ANK2: variants seen among roughly 807,000 people sequenced by gnomAD.
ANK2 encodes ankyrin-2.
A neutral mutation model predicts 360.5 loss-of-function variants in ANK2; 83 were observed. The ratio of observed to expected loss-of-function variants is 0.23; its 90% CI spans 0.19 to 0.28. ANK2 has a LOEUF of 0.28. Ranked by LOEUF, ANK2 falls within the 10% of genes least tolerant of loss-of-function variation. ANK2 has a pLI of 1.00. For synonymous variants in ANK2, 1,740 were observed against 1,759.5 expected, an observed-to-expected ratio of 0.99 and a Z score of 0.28; for missense variants, 4,201 against 4,795.7, an observed-to-expected ratio of 0.88 and a Z score of 3.66.
In ANK2 at chr4:113,133,154, A is replaced by G. The variant is rs183912420; in HGVS notation, c.85-41262A>G. Among the ~76,000 whole-genome samples the G allele has an allele frequency of 1.8e-3, 273 of 152,320 alleles. 3 individuals are homozygous for G. The highest frequency in any genetic ancestry group is 6.4e-3 in the African/African-American group (268 of 41,574). ...TAAGGACTTGTTCCTAAATGGTAAG[A>G]TAGGAGAGCAGGAACACTTAGTTTT... On this transcript the variant is annotated intron_variant, in intron 1 of 45. Transcript: ENST00000357077.
At chr4:113,311,201 T>C in intron 23 of ANK2, 54 bp from the exon 24 acceptor site, 16 of 1,607,914 alleles carry the variant, frequency 1.0e-5, no homozygotes, top group Non-Finnish European at 1.4e-5. Flanking sequence ...CCATATGTTG[T>C]AGTTGATATT....
chr4:113,359,161 G>C lies in ANK2; in HGVS notation c.10543G>C (p.Val3515Leu). 1 of 1,613,494 alleles carries C rather than the reference G, an allele frequency of 6.2e-7. No homozygotes were observed. Among genetic ancestry groups the C allele is most frequent in the Non-Finnish European group, 8.5e-7 (1 of 1,179,488 alleles). The change falls in exon 38 of 46, where the codon GTA becomes CTA. Residue 3515 changes from valine (V) to leucine (L), a missense_variant. Physicochemically the swap from Val to Leu is conservative, Grantham distance 32. Coordinates refer to ENST00000357077, the MANE Select transcript of ANK2 (RefSeq NM_001148.6). ...DESSSALEVSVIENLPPVETE... is the reference protein window; with the variant it reads ...DESSSALEVSLIENLPPVETE... ...AAGTAGTAGTGCCCTGGAAGTATCA[G>C]TAATTGAAAATCTGCCACCTGTTGA... is the stretch of plus-strand genomic sequence containing the variant.
At chr4:113,080,730 C>T (rs1462315156) in intron 1 of ANK2, among the ~76,000 whole-genome samples, 2 of 152,164 alleles carry the variant, frequency 1.3e-5, no homozygotes, top group Non-Finnish European at 1.5e-5. Flanking sequence ...CCTGTTGTTT[C>T]GTGGATGAGC....
rs1477856046 is a variant in ANK2, at chr4:113,358,984, G to A, written c.10366G>A (p.Gly3456Ser). 6.2e-7 allele frequency: 1 copy of A among 1,614,040 alleles called. No individual in the cohort carries two copies. Among genetic ancestry groups the A allele is most frequent in the South Asian group, 1.1e-5 (1 of 91,086 alleles). ...AAGCACTACATCTTCCTGCAGGGGG[G>A]GCACGAGCCCCACAAAAGAAAGTAA... ...SRSTTSSCRG[G>S]TSPTKESKEH... The change falls in exon 38 of 46, where the codon GGC becomes AGC. Residue 3456 changes from glycine to serine, a missense_variant. Gly to Ser is a moderately conservative substitution (Grantham distance 56). Coordinates refer to ENST00000357077, the MANE Select transcript of ANK2 (RefSeq NM_001148.6).
intron 45 of ANK2, among the ~76,000 whole-genome samples, chr4:113,380,972 A>G (rs17045994): frequency 0.026 from 4,010 of 152,302 alleles, 194 homozygotes; most frequent in African/African-American, 0.09. Context: ...CTCTGAAAAC[A>G]TAATTTTGGG....
At chr4:113,277,791 G>T (rs769532343) in intron 15 of ANK2, 46 bp from the exon 16 acceptor site, 1 of 1,488,206 alleles carries the variant, frequency 6.7e-7, no homozygotes, top group African/African-American at 1.4e-5. Flanking sequence ...TTTTTGAGGA[G>T]TTACAACAAT....
At chr4:113,267,251 T>G (rs1178223249) in intron 14 of ANK2, among the ~76,000 whole-genome samples, 1 of 152,200 alleles carries the variant, frequency 6.6e-6, no homozygotes. Context: ...GCTCTTTAGT[T>G]TAATTAGATC....
intron 2 of ANK2, among the ~76,000 whole-genome samples, chr4:113,009,951 C>A (rs1033451483): frequency 1.3e-5 from 2 of 152,218 alleles, no homozygotes; most frequent in South Asian, 2.1e-4. Context: ...CACACACTCA[C>A]ACACACGTGC....
At chr4:113,280,670 G>C (rs1026846480) in intron 17 of ANK2, among the ~76,000 whole-genome samples, 18 of 152,128 alleles carry the variant, frequency 1.2e-4, no homozygotes, top group African/African-American at 4.1e-4. Context: ...AGTCTTTATT[G>C]GGAGTGCTGC....
chr4:112,957,771 G>A (rs1250609048), intron 2 of ANK2, among the ~76,000 whole-genome samples: 2 of 149,982 alleles, frequency 1.3e-5, no homozygotes, highest in East Asian at 2.0e-4. Flanking sequence ...GGTGGCTGCC[G>A]GGCGGAGGGG....
chr4:113,349,507 G>T (rs1049369639), intron 36 of ANK2, among the ~76,000 whole-genome samples: 1 of 152,026 alleles, frequency 6.6e-6, no homozygotes, highest in African/African-American at 2.4e-5. Context: ...ATGGAGCAGG[G>T]TGAGAGAGGT....
chr4:113,048,246 G>GTATATATATATA (rs1561687336), upstream of ANK2, among the ~76,000 whole-genome samples: 14 of 54,610 alleles, frequency 2.6e-4, 1 homozygote, highest in South Asian at 7.3e-4. Context: ...ATCTACAAGT[G>GTATATATATATA]TGTATATATA....
chr4:112,737,524 C>G, the ANK2 span, among the ~76,000 whole-genome samples: 1 of 152,206 alleles, frequency 6.6e-6, no homozygotes, highest in Non-Finnish European at 1.5e-5. Flanking sequence ...GAGATTTGTG[C>G]AGGACTTGGC....
chr4:112,878,457 G>A (rs916934069), intron 1 of ANK2, among the ~76,000 whole-genome samples: 27 of 152,096 alleles, frequency 1.8e-4, no homozygotes, highest in African/African-American at 6.5e-4. Context: ...CTCCCGAGTA[G>A]CTGGGATTAC....
intron 2 of ANK2, among the ~76,000 whole-genome samples, chr4:112,983,084 T>C (rs1274637510): frequency 6.6e-6 from 1 of 152,200 alleles, no homozygotes; most frequent in African/African-American, 2.4e-5. Flanking sequence ...CATTAACTCT[T>C]AGCAGTATTT....
At chr4:113,370,445 A>AG (rs779569549) in intron 43 of ANK2, among the ~76,000 whole-genome samples, 26 of 152,232 alleles carry the variant, frequency 1.7e-4, no homozygotes, top group Non-Finnish European at 2.9e-4. Flanking sequence ...AATTGTGAAA[A>AG]GGGGTGGGGA....
intron 45 of ANK2, among the ~76,000 whole-genome samples, chr4:113,379,670 C>A (rs182581456): frequency 6.6e-6 from 1 of 152,104 alleles, no homozygotes; most frequent in Admixed American, 6.5e-5. Flanking sequence ...CAAATTTGAC[C>A]TTTTCATCAG....
At position 113,381,491 on chromosome 4, in the gene ANK2, G is replaced by A. The variant is rs746831163; in HGVS notation, c.*20G>A. 6.2e-7 allele frequency: 1 copy of A among 1,614,112 alleles called. No homozygotes were observed. Among genetic ancestry groups the A allele is most frequent in the African/African-American group, 1.3e-5 (1 of 75,046 alleles). On this transcript the variant is annotated 3_prime_UTR_variant, in exon 46 of 46. Transcript: ENST00000357077. ...GAGTAAAGCCATCACACAGAAGAGG[G>A]CTGTGGTGAAGGACCAGCATGGAAA...
chr4:113,312,106 T>A (rs1273090871), intron 24 of ANK2, among the ~76,000 whole-genome samples: 1 of 152,064 alleles, frequency 6.6e-6, no homozygotes, highest in South Asian at 2.1e-4. Flanking sequence ...GGTTCCTCAT[T>A]GAAATTATGA....
Sources: allele counts gnomAD v4.1 joint callset (sites outside exome capture counted in the v4.1 genomes callset), GRCh38; gene constraint gnomAD v4.1.1; transcripts MANE v1.5; gene names NCBI Gene and HGNC (gene_info 2026-07-23, HGNC 2026-07-21).